The following KCNK9 variants were observed in gnomAD, a reference collection of about 807,000 sequenced individuals.
The protein encoded by KCNK9 is potassium two pore domain channel subfamily K member 9.
In KCNK9, 1 loss-of-function variant was observed where a neutral mutation model predicts 10.8. The ratio of observed to expected loss-of-function variants is 0.09; its 90% CI spans 0.03 to 0.44. KCNK9 has a LOEUF of 0.44. Ranked by LOEUF, KCNK9 falls within the 20% of genes least tolerant of loss-of-function variation. KCNK9 has a pLI of 0.97. For missense variants in KCNK9, 303 were observed against 515.0 expected, an observed-to-expected ratio of 0.59 and a Z score of 3.98; for synonymous variants, 231 against 222.7, an observed-to-expected ratio of 1.04 and a Z score of -0.33.
At chr8:139,602,888 C>T (rs537806039) in intron 2 of KCNK9, among the ~76,000 whole-genome samples, 1 of 152,298 alleles carries the variant, frequency 6.6e-6, no homozygotes, top group East Asian at 1.9e-4. Context: ...CCTTTGAAAC[C>T]TCACATTCTT....
chr8:139,679,505 G>T (rs910415844), intron 1 of KCNK9, among the ~76,000 whole-genome samples: 2 of 152,238 alleles, frequency 1.3e-5, no homozygotes, highest in African/African-American at 4.8e-5. Context: ...CGATCATTCA[G>T]CCCAGGGCCT....
intron 1 of KCNK9, among the ~76,000 whole-genome samples, chr8:139,631,625 C>T (rs1815175676): frequency 6.6e-6 from 1 of 152,132 alleles, no homozygotes; most frequent in Non-Finnish European, 1.5e-5. Context: ...TTCTTCCCAC[C>T]ACTAAATAAT....
intron 1 of KCNK9, among the ~76,000 whole-genome samples, chr8:139,662,032 C>T (rs1021060740): frequency 6.6e-6 from 1 of 152,192 alleles, no homozygotes; most frequent in Non-Finnish European, 1.5e-5. Flanking sequence ...GCTGGTGGGA[C>T]AGAGGCAGAC....
At chr8:139,695,564 G>A (rs1326504573) in intron 1 of KCNK9, among the ~76,000 whole-genome samples, 1 of 152,160 alleles carries the variant, frequency 6.6e-6, no homozygotes. Flanking sequence ...AGGTGGGGAT[G>A]GGCAGGAAAA....
chr8:139,676,770 G>A (rs865950891), intron 1 of KCNK9, among the ~76,000 whole-genome samples: 4 of 152,176 alleles, frequency 2.6e-5, no homozygotes, highest in Non-Finnish European at 4.4e-5. Flanking sequence ...GGCCAACATA[G>A]TGAAACCCGT....
downstream of KCNK9, among the ~76,000 whole-genome samples, chr8:139,608,970 GCT>G (rs546980679): frequency 3.3e-5 from 5 of 152,150 alleles, no homozygotes; most frequent in East Asian, 9.7e-4. Context: ...TCTAATGCCT[GCT>G]GATGTGAAAT....
downstream of KCNK9, among the ~76,000 whole-genome samples, chr8:139,613,121 T>C (rs566818633): frequency 1.3e-5 from 2 of 152,348 alleles, no homozygotes; most frequent in African/African-American, 4.8e-5. Context: ...AGGAGAGTGC[T>C]CTTGTTCATG....
intron 1 of KCNK9, among the ~76,000 whole-genome samples, chr8:139,687,401 CAT>C (rs1563751698): frequency 1.1e-5 from 1 of 90,882 alleles, no homozygotes; most frequent in African/African-American, 3.8e-5. Context: ...TATGTGTATA[CAT>C]ATATATTCAT....
intron 1 of KCNK9, among the ~76,000 whole-genome samples, chr8:139,667,264 G>A (rs1247101262): frequency 2.0e-5 from 3 of 152,242 alleles, no homozygotes; most frequent in Admixed American, 6.5e-5. Context: ...TGCCGCCCAG[G>A]CAGTTCAGTC....
At chr8:139,626,486 G>C (rs1256664245) in intron 1 of KCNK9, among the ~76,000 whole-genome samples, 2 of 152,166 alleles carry the variant, frequency 1.3e-5, no homozygotes, top group Non-Finnish European at 2.9e-5. Flanking sequence ...CTCAGCCCCT[G>C]GTGTCAGGCC....
At chr8:139,630,300 G>A (rs1410830192) in intron 1 of KCNK9, among the ~76,000 whole-genome samples, 1 of 152,198 alleles carries the variant, frequency 6.6e-6, no homozygotes, top group Non-Finnish European at 1.5e-5. Context: ...AGGAAGTGGT[G>A]GAGGCGAGGC....
At chr8:139,660,455 T>A (rs201172596) in intron 1 of KCNK9, among the ~76,000 whole-genome samples, 11 of 105,470 alleles carry the variant, frequency 1.0e-4, no homozygotes, top group African/African-American at 5.5e-4. Flanking sequence ...AAAAAATATA[T>A]ATATATATAT....
intron 1 of KCNK9, among the ~76,000 whole-genome samples, chr8:139,646,981 G>C (rs1306488588): frequency 6.6e-6 from 1 of 152,228 alleles, no homozygotes; most frequent in Non-Finnish European, 1.5e-5. Flanking sequence ...CGTGCACAAG[G>C]CGGGGTGTGC....
chr8:139,623,930 C>T (rs376189457), intron 1 of KCNK9, among the ~76,000 whole-genome samples: 2 of 152,176 alleles, frequency 1.3e-5, no homozygotes, highest in East Asian at 3.9e-4. Context: ...CTCAGTCACT[C>T]GAACCACTTC....
chr8:139,646,007 T>A (rs1815664218), intron 1 of KCNK9, among the ~76,000 whole-genome samples: 1 of 152,036 alleles, frequency 6.6e-6, no homozygotes, highest in Non-Finnish European at 1.5e-5. Context: ...GCTCAGACAC[T>A]CCCTGGGGAT....
intron 2 of KCNK9, among the ~76,000 whole-genome samples, chr8:139,605,688 C>T (rs1208012397): frequency 6.6e-6 from 1 of 152,196 alleles, no homozygotes; most frequent in Non-Finnish European, 1.5e-5. Context: ...TATTGTACAA[C>T]ACCACATTAA....
At chr8:139,625,092 C>T (rs745703745) in intron 1 of KCNK9, among the ~76,000 whole-genome samples, 2 of 152,200 alleles carry the variant, frequency 1.3e-5, no homozygotes, top group Non-Finnish European at 2.9e-5. Context: ...GGTCCCCTCA[C>T]CGAGAGCTGG....
At chr8:139,677,690 T>C (rs112955350) in intron 1 of KCNK9, among the ~76,000 whole-genome samples, 1,740 of 44,184 alleles carry the variant, frequency 0.039, 63 homozygotes, top group African/African-American at 0.09. Context: ...CCCAGTGGGT[T>C]CCCACAGCTG....
chr8:139,635,247 G>A (rs1056379847), intron 1 of KCNK9, among the ~76,000 whole-genome samples: 54 of 152,252 alleles, frequency 3.5e-4, no homozygotes, highest in African/African-American at 1.3e-3. Flanking sequence ...CAGAGTAACT[G>A]TAGGAGGTTC....
Sources: gnomAD v4.1 joint callset for allele counts (sites outside exome capture counted in the v4.1 genomes callset) on GRCh38, gnomAD v4.1.1 for gene constraint, MANE v1.5 for transcripts, NCBI Gene and HGNC (gene_info 2026-07-23, HGNC 2026-07-21) for gene names.